Variants in RBM26 observed in about 807,000 individuals in gnomAD.
RBM26 encodes RNA-binding protein 26.
A neutral mutation model predicts 123.6 loss-of-function variants in RBM26; 30 were observed. The ratio of observed to expected loss-of-function variants is 0.24; its 90% CI spans 0.18 to 0.33. The LOEUF (loss-of-function observed/expected upper bound fraction) is 0.33. RBM26 is among the 10% of genes least tolerant of loss of function. RBM26 has a pLI of 1.00. For synonymous variants in RBM26, 400 were observed against 404.4 expected, an observed-to-expected ratio of 0.99 and a Z score of 0.13; for missense variants, 947 against 1,203.6, an observed-to-expected ratio of 0.79 and a Z score of 3.15.
rs929197748 is a variant in RBM26, at chr13:79,390,199, A to C, written c.72-11292T>G. On this transcript the variant is annotated intron_variant, in intron 1 of 21. Coordinates refer to ENST00000438737, the MANE Select transcript of RBM26 (RefSeq NM_001366735.2). Reference sequence around the variant, plus strand: ...TAGTAAGACTTAAGAAATTGTGTCAAATTAACAATAATGAGAGCATTATTA... The same window carrying C: ...TAGTAAGACTTAAGAAATTGTGTCACATTAACAATAATGAGAGCATTATTA... 7.9e-5 allele frequency among the ~76,000 whole-genome samples: 12 copies of C among 152,292 alleles called. No homozygotes were observed. In the East Asian group the frequency reaches 2.3e-3, roughly 29 times the overall value.
chr13:79,344,675 T>C lies in RBM26; in HGVS notation c.2178A>G (p.Lys726=). Residue 726 remains lysine, a synonymous_variant, in exon 15 of 22, where the codon AAA becomes AAG. Coordinates refer to ENST00000438737, the MANE Select transcript of RBM26 (RefSeq NM_001366735.2). Reference sequence around the variant, plus strand: ...CTATACCAGTTGTACTTACCTGTTTTTTTTTCTGTGCTTCATTATTATCAA... The same window carrying C: ...CTATACCAGTTGTACTTACCTGTTTCTTTTTCTGTGCTTCATTATTATCAA... ...SAVDNNEAQK[K]KQEALKLQQD... 1.9e-6 allele frequency: 3 copies of C among 1,611,122 alleles called. No individual in the cohort carries two copies. The highest frequency in any genetic ancestry group is 2.2e-5 in the South Asian group (2 of 90,238).
chr13:79,315,740 G>A (rs991674874), downstream of RBM26, among the ~76,000 whole-genome samples: 2 of 151,834 alleles, frequency 1.3e-5, no homozygotes, highest in Non-Finnish European at 1.5e-5. Flanking sequence ...ACCAAATTAG[G>A]TGTTTTTCTA....
intron 1 of RBM26, among the ~76,000 whole-genome samples, chr13:79,400,424 G>A (rs2078965829): frequency 6.6e-6 from 1 of 151,764 alleles, no homozygotes; most frequent in Non-Finnish European, 1.5e-5. Context: ...GAAGTCAGAG[G>A]GGCAGAGGCA....
At chr13:79,332,575 T>C (rs1399277346) in intron 20 of RBM26, among the ~76,000 whole-genome samples, 2 of 152,180 alleles carry the variant, frequency 1.3e-5, no homozygotes, top group Non-Finnish European at 2.9e-5. Context: ...ACATTTATCA[T>C]AGCAGTGGTC....
In RBM26 at chr13:79,375,180, T is replaced by TA. The variant is rs1491316212; in HGVS notation, c.327+2198_327+2199insT. On this transcript the variant is annotated intron_variant, in intron 3 of 21. Transcript: ENST00000438737. ...TATTTATATATATTATATATATATATTTTTTTTTTGAGACGGAGTTTAGCT... is the reference window on the plus strand; with the variant it reads ...TATTTATATATATTATATATATATATATTTTTTTTTGAGACGGAGTTTAGCT... Among the ~76,000 whole-genome samples the TA allele has an allele frequency of 1.0e-3, 128 of 124,210 alleles. 1 individual carries two copies. The highest frequency in any genetic ancestry group is 3.7e-3 in the Admixed American group (46 of 12,586). 81.5% of individuals were successfully genotyped at this position (124,210 alleles called of 152,430 possible).
chr13:79,372,750 AATTT>A (rs908280940), intron 3 of RBM26, among the ~76,000 whole-genome samples: 4 of 109,806 alleles, frequency 3.6e-5, no homozygotes, highest in Non-Finnish European at 6.5e-5. Flanking sequence ...ATCATATTGT[AATTT>A]ATTATATATT....
At chr13:79,312,473 T>C (rs914140906) in exon 5 of RBM26, 2 of 152,028 alleles carry the variant, frequency 1.3e-5, no homozygotes, top group African/African-American at 2.4e-5. Context: ...AATACTTCTC[T>C]TTACAACTCA....
In RBM26 at chr13:79,366,717, G is replaced by T. The variant is rs756659443; in HGVS notation, c.1051C>A (p.Pro351Thr). 9.9e-6 allele frequency: 16 copies of T among 1,612,080 alleles called. No homozygotes were observed. The Admixed American group carries it at 2.7e-4, about 27-fold the overall frequency. Reference protein sequence around the residue: ...PPPPGLPPPPPILTPPPVNLR... With the variant: ...PPPPGLPPPPTILTPPPVNLR... The stretch of plus-strand genomic sequence containing the variant: ...TTCACAGGTGGGGGTGTAAGAATTG[G>T]TGGAGGTGGGGGGAGTCCAGGAGGA... Residue 351 changes from proline (P) to threonine (T), a missense_variant, in exon 7 of 22, where the codon CCA becomes ACA. By Grantham distance (38) the Pro-to-Thr change is conservative. Transcript: ENST00000438737.
chr13:79,365,754 TA>T, intron 8 of RBM26, 36 bp from the exon 9 acceptor site: 1 of 1,586,150 alleles, frequency 6.3e-7, no homozygotes. Context: ...AAAACAATTA[TA>T]AAACTCCACT....
chr13:79,366,532 T>G, intron 7 of RBM26, 101 bp downstream of exon 7: 1 of 1,220,650 alleles, frequency 8.2e-7, no homozygotes, highest in East Asian at 2.5e-5. Flanking sequence ...TCAGGCATTT[T>G]TGGGATTCCT....
chr13:79,355,150 T>A, intron 12 of RBM26, 70 bp downstream of exon 12: 1 of 1,415,926 alleles, frequency 7.1e-7, no homozygotes, highest in Non-Finnish European at 9.8e-7. Flanking sequence ...TTCCAATGCC[T>A]CTACTCGTAA....
intron 13 of RBM26, among the ~76,000 whole-genome samples, chr13:79,353,547 T>G (rs920484945): frequency 6.6e-6 from 1 of 152,220 alleles, no homozygotes; most frequent in African/African-American, 2.4e-5. Flanking sequence ...GCCCACTTAC[T>G]GAGCTTAAAA....
chr13:79,341,065 A>G, intron 18 of RBM26, 58 bp downstream of exon 18: 2 of 918,884 alleles, frequency 2.2e-6, no homozygotes, highest in Admixed American at 2.2e-5. Flanking sequence ...TTTTAAATTG[A>G]CCACTACAAC....
chr13:79,376,544 T>C (rs2076684948), intron 3 of RBM26: 1 of 152,112 alleles, frequency 6.6e-6, no homozygotes, highest in Admixed American at 6.6e-5. Context: ...AGATATAAAT[T>C]ATTATATGAC....
At chr13:79,393,380 T>C (rs1190755321) in intron 1 of RBM26, among the ~76,000 whole-genome samples, 1 of 152,242 alleles carries the variant, frequency 6.6e-6, no homozygotes, top group Non-Finnish European at 1.5e-5. Flanking sequence ...CTTTCATTCT[T>C]GCTGTAAAGC....
intron 20 of RBM26, among the ~76,000 whole-genome samples, chr13:79,327,022 G>A (rs1369990253): frequency 6.6e-6 from 1 of 151,986 alleles, no homozygotes; most frequent in African/African-American, 2.4e-5. Context: ...TAGCCTGGGC[G>A]TAGTGACAGA....
At chr13:79,323,041 C>T (rs1249704537) in intron 20 of RBM26, among the ~76,000 whole-genome samples, 1 of 151,268 alleles carries the variant, frequency 6.6e-6, no homozygotes, top group Non-Finnish European at 1.5e-5. Context: ...ATATAAGTGT[C>T]TCAATGAAAG....
chr13:79,330,573 A>G (rs1004345066), intron 20 of RBM26, among the ~76,000 whole-genome samples: 9 of 152,146 alleles, frequency 5.9e-5, no homozygotes, highest in Non-Finnish European at 1.2e-4. Context: ...ACAGATAATT[A>G]CCGAAAAGTA....
chr13:79,405,896 G>A lies in RBM26; in HGVS notation c.-122C>T. 4.5e-6 allele frequency: 2 copies of A among 445,950 alleles called. No individual in the cohort carries two copies. Among genetic ancestry groups the A allele is most frequent in the East Asian group, 8.2e-5 (2 of 24,386 alleles). 27.6% of individuals were successfully genotyped at this position (445,950 alleles called of 1,614,324 possible). A position where few individuals can be genotyped will look rare whatever the true frequency, so the allele number is the denominator to read the frequency against. ...GCGTGGGCCGCGGTGGGAGGCGCCGGTGGCAGGTTCCCGCGGGCCCCGGTC... is the reference window on the plus strand; with the variant it reads ...GCGTGGGCCGCGGTGGGAGGCGCCGATGGCAGGTTCCCGCGGGCCCCGGTC... On this transcript the variant is annotated 5_prime_UTR_variant, in exon 1 of 22. Transcript: ENST00000438737.
Sources: allele counts gnomAD v4.1 joint callset (sites outside exome capture counted in the v4.1 genomes callset), GRCh38; gene constraint gnomAD v4.1.1; transcripts MANE v1.5; gene names NCBI Gene and HGNC (gene_info 2026-07-23, HGNC 2026-07-21).